The following COLEC10 variants were observed in gnomAD, a reference collection of about 807,000 sequenced individuals.
COLEC10 encodes collectin-10.
A neutral mutation model predicts 28.4 loss-of-function variants in COLEC10; 22 were observed. The ratio of observed to expected loss-of-function variants is 0.78; its 90% CI spans 0.55 to 1.11. The LOEUF is 1.11. COLEC10 is among the 50% of genes least tolerant of loss of function. The pLI, the probability that COLEC10 is intolerant of heterozygous loss-of-function variation, is 0.00. For synonymous variants in COLEC10, 125 were observed against 116.1 expected (o/e 1.08, Z -0.49); for missense variants, 361 against 344.1 (o/e 1.05, Z -0.39).
At chr8:119,016,542 A>G (rs955495476) in intron 2 of COLEC10, among the ~76,000 whole-genome samples, 7 of 152,116 alleles carry the variant, frequency 4.6e-5, no homozygotes, top group Admixed American at 3.3e-4. Flanking sequence ...GTATATACCC[A>G]GTAATGGGAT....
chr8:118,989,077 A>AAATTAAT, the COLEC10 span, among the ~76,000 whole-genome samples: 1 of 152,216 alleles, frequency 6.6e-6, no homozygotes, highest in Admixed American at 6.5e-5. Context: ...ATTTAAAATA[A>AAATTAAT]CTATAATTAA....
the COLEC10 span, among the ~76,000 whole-genome samples, chr8:118,969,696 T>C: frequency 3.3e-5 from 5 of 150,074 alleles, no homozygotes; most frequent in African/African-American, 1.2e-4. Flanking sequence ...TTTCTTTCTT[T>C]TTTTTTTTTT....
intron 2 of COLEC10, among the ~76,000 whole-genome samples, chr8:119,049,862 A>G (rs1191967397): frequency 1.3e-5 from 2 of 152,204 alleles, no homozygotes; most frequent in African/African-American, 4.8e-5. Flanking sequence ...ATTAATGATG[A>G]GGGAATTCAA....
chr8:118,989,061 C>G, the COLEC10 span, among the ~76,000 whole-genome samples: 1 of 151,984 alleles, frequency 6.6e-6, no homozygotes, highest in Non-Finnish European at 1.5e-5. Context: ...AATTATCAGG[C>G]AAATGATTTA....
chr8:119,016,122 T>C (rs965965358), intron 2 of COLEC10, among the ~76,000 whole-genome samples: 4 of 152,056 alleles, frequency 2.6e-5, no homozygotes, highest in Non-Finnish European at 4.4e-5. Context: ...CAACCTGTCA[T>C]CTAAGTTTTA....
chr8:119,088,800 AG>A (rs1815532669), intron 1 of COLEC10, among the ~76,000 whole-genome samples: 1 of 152,224 alleles, frequency 6.6e-6, no homozygotes, highest in Admixed American at 6.5e-5. Flanking sequence ...GGAAGCATAA[AG>A]GAAAGAAAAA....
At chr8:119,055,023 TAAAC>T (rs1035398322) in intron 2 of COLEC10, among the ~76,000 whole-genome samples, 1 of 152,072 alleles carries the variant, frequency 6.6e-6, no homozygotes, top group African/African-American at 2.4e-5. Context: ...ATCTAAAACA[TAAAC>T]AAACCATTAA....
At chr8:119,060,294 A>G (rs1040661236) in intron 2 of COLEC10, among the ~76,000 whole-genome samples, 3 of 152,180 alleles carry the variant, frequency 2.0e-5, no homozygotes, top group African/African-American at 7.2e-5. Flanking sequence ...AGAATTGTGA[A>G]AACTATCTAT....
intron 5 of COLEC10, among the ~76,000 whole-genome samples, 188 bp downstream of exon 5, chr8:119,104,083 A>T (rs555645104): frequency 6.6e-6 from 1 of 152,212 alleles, no homozygotes; most frequent in South Asian, 2.1e-4. Flanking sequence ...AGTCTGCTAC[A>T]TATATTTATA....
intron 1 of COLEC10, among the ~76,000 whole-genome samples, chr8:119,004,864 G>T (rs1766404009): frequency 6.8e-6 from 1 of 146,104 alleles, no homozygotes; most frequent in African/African-American, 2.6e-5. Flanking sequence ...ATTATTCTCT[G>T]TATATTCCTA....
chr8:119,070,469 CTCTCTCTCCTT>C (rs1815085565), intron 1 of COLEC10, among the ~76,000 whole-genome samples: 1 of 131,518 alleles, frequency 7.6e-6, no homozygotes, highest in African/African-American at 3.0e-5. Flanking sequence ...CTCTCTCTCT[CTCTCTCTCCTT>C]CCCCCTCCTT....
intron 3 of COLEC10, among the ~76,000 whole-genome samples, chr8:119,101,998 A>T (rs1443049019): frequency 6.6e-6 from 1 of 152,142 alleles, no homozygotes. Context: ...AAATGTTAAT[A>T]GGACAGGTTA....
chr8:119,052,306 C>T (rs1024498227), intron 2 of COLEC10, among the ~76,000 whole-genome samples: 1 of 152,086 alleles, frequency 6.6e-6, no homozygotes, highest in African/African-American at 2.4e-5. Flanking sequence ...ATGGTAGCAG[C>T]ACCAAGTCTT....
At chr8:119,096,001 G>C (rs1158102368) in intron 3 of COLEC10, among the ~76,000 whole-genome samples, 1 of 152,102 alleles carries the variant, frequency 6.6e-6, no homozygotes, top group African/African-American at 2.4e-5. Flanking sequence ...ACACTATTTT[G>C]TAATAGAATT....
chr8:119,008,891 G>A (rs1355833196), intron 1 of COLEC10, among the ~76,000 whole-genome samples: 1 of 151,090 alleles, frequency 6.6e-6, no homozygotes, highest in Non-Finnish European at 1.5e-5. Flanking sequence ...ACGTTATCTA[G>A]CACAGTGCCT....
upstream of COLEC10, among the ~76,000 whole-genome samples, chr8:118,992,861 T>A (rs955051654): frequency 1.3e-5 from 2 of 152,200 alleles, no homozygotes; most frequent in African/African-American, 4.8e-5. Flanking sequence ...AATGTTTACT[T>A]TGATTATTCT....
upstream of COLEC10, chr8:119,067,245 G>T (rs1348767144): frequency 1.9e-6 from 3 of 1,604,812 alleles, no homozygotes; most frequent in South Asian, 3.3e-5. Context: ...TGTTTATTTG[G>T]CATTTCTGGG....
chr8:118,975,710 A>G, the COLEC10 span, among the ~76,000 whole-genome samples: 6 of 152,136 alleles, frequency 3.9e-5, no homozygotes, highest in African/African-American at 1.4e-4. Context: ...GAGTGATAAG[A>G]TACTTCAACA....
chr8:119,090,477 TCA>T (rs1296933182), intron 2 of COLEC10, among the ~76,000 whole-genome samples: 2 of 152,178 alleles, frequency 1.3e-5, no homozygotes, highest in East Asian at 3.8e-4. Flanking sequence ...AAAGAGAGAC[TCA>T]CAGACCTGTG....
Sources: allele counts gnomAD v4.1 joint callset (sites outside exome capture counted in the v4.1 genomes callset), GRCh38; gene constraint gnomAD v4.1.1; transcripts MANE v1.5; gene names NCBI Gene and HGNC (gene_info 2026-07-23, HGNC 2026-07-21).